Variants in DOCK3 observed in about 807,000 individuals in gnomAD.
DOCK3 encodes the protein dedicator of cytokinesis protein 3.
In DOCK3, 60 loss-of-function variants were observed where a neutral mutation model predicts 265.6. The observed-to-expected ratio is 0.23, with a 90% CI of 0.18 to 0.28. DOCK3 has a LOEUF of 0.28. Ranked by LOEUF, DOCK3 falls within the 10% of genes least tolerant of loss-of-function variation. DOCK3 has a pLI of 1.00. For synonymous variants in DOCK3, 881 were observed against 938.0 expected (o/e 0.94, Z 1.11); for missense variants, 1,981 against 2,594.3 (o/e 0.76, Z 5.14).
chr3:50,769,710 G>A (rs1038671276), intron 1 of DOCK3, among the ~76,000 whole-genome samples: 2 of 151,790 alleles, frequency 1.3e-5, no homozygotes, highest in Non-Finnish European at 2.9e-5. Flanking sequence ...TACTTGGGAG[G>A]CTGAGACAGG....
chr3:51,090,102 ATCT>A (rs2082581575), intron 8 of DOCK3, 125 bp from the exon 9 acceptor site: 2 of 1,099,696 alleles, frequency 1.8e-6, no homozygotes, highest in African/African-American at 3.2e-5. Flanking sequence ...CAGAGAAAAC[ATCT>A]TCAGTTTCTC....
chr3:50,861,231 A>G (rs903405298), intron 3 of DOCK3, among the ~76,000 whole-genome samples: 1 of 151,800 alleles, frequency 6.6e-6, no homozygotes, highest in Admixed American at 6.6e-5. Flanking sequence ...TGTTTCCTTG[A>G]TTAATCCCAA....
At chr3:50,968,224 T>C (rs936246926) in intron 5 of DOCK3, among the ~76,000 whole-genome samples, 3 of 152,178 alleles carry the variant, frequency 2.0e-5, no homozygotes, top group African/African-American at 7.2e-5. Context: ...TGGAGTGCAG[T>C]GGCACAGTAA....
At chr3:50,983,047 G>A (rs1454915809) in intron 5 of DOCK3, among the ~76,000 whole-genome samples, 3 of 152,178 alleles carry the variant, frequency 2.0e-5, no homozygotes, top group Non-Finnish European at 4.4e-5. Flanking sequence ...AGCAGGGTTC[G>A]GGCCAAGCCC....
rs2087196259 is a variant in DOCK3 at position 51,180,139 on chromosome 3, C to A, written c.1037+19437C>A. Among the ~76,000 whole-genome samples, 4 of 144,784 alleles carry A rather than the reference C, an allele frequency of 2.8e-5. No homozygotes were observed. The South Asian group carries it at 8.7e-4, about 31-fold the overall frequency. The allele number at this position is 144,784 out of a possible 152,430, so 95.0% of individuals were successfully genotyped here. On this transcript the variant is annotated intron_variant, in intron 12 of 52. Coordinates refer to ENST00000266037, the MANE Select transcript of DOCK3 (RefSeq NM_004947.5). ...AGGAGAATCGCTTGAACTCAGGAAGCAGAGGTTGCAGTGAGCCGAGATCAC... is the reference window on the plus strand; with the variant it reads ...AGGAGAATCGCTTGAACTCAGGAAGAAGAGGTTGCAGTGAGCCGAGATCAC...
chr3:51,131,705 C>G (rs1483751927), intron 9 of DOCK3, among the ~76,000 whole-genome samples: 2 of 152,166 alleles, frequency 1.3e-5, no homozygotes, highest in Non-Finnish European at 2.9e-5. Context: ...ATGAGTCAGA[C>G]TATTCTGATT....
chr3:51,304,064 C>T (rs2082509331), intron 27 of DOCK3, among the ~76,000 whole-genome samples: 1 of 151,964 alleles, frequency 6.6e-6, no homozygotes, highest in African/African-American at 2.4e-5. Flanking sequence ...GTCTCCGCAG[C>T]CCCTCAGTCC....
intron 37 of DOCK3, among the ~76,000 whole-genome samples, chr3:51,340,852 G>C (rs1198416771): frequency 6.6e-6 from 1 of 152,214 alleles, no homozygotes; most frequent in African/African-American, 2.4e-5. Flanking sequence ...CCAGTTCTGA[G>C]AAGGTTGGAA....
intron 1 of DOCK3, among the ~76,000 whole-genome samples, chr3:50,704,486 CATTATAT>C (rs2036256722): frequency 6.6e-6 from 1 of 152,000 alleles, no homozygotes; most frequent in Non-Finnish European, 1.5e-5. Context: ...GTTATAGTCT[CATTATAT>C]AAGTATAAAG....
At chr3:51,041,752 A>G (rs1365845120) in intron 5 of DOCK3, among the ~76,000 whole-genome samples, 2 of 152,204 alleles carry the variant, frequency 1.3e-5, no homozygotes, top group Non-Finnish European at 2.9e-5. Flanking sequence ...AACTAGCTGT[A>G]AACAGATAGG....
At chr3:51,044,614 CT>C (rs1035797995) in intron 5 of DOCK3, among the ~76,000 whole-genome samples, 56 of 149,784 alleles carry the variant, frequency 3.7e-4, no homozygotes, top group African/African-American at 1.3e-3. Context: ...ATCTTCTTAT[CT>C]TTTTTTAATA....
Position 50,942,398 on chromosome 3 carries a change from A to T in DOCK3, c.315+8321A>T, listed in dbSNP as rs200452791. ...AATAATGGTTTTAGACATTTTTAGC[A>T]TCAATTATGCTATTATGCTATTATG... On this transcript the variant is annotated intron_variant, in intron 5 of 52. Coordinates refer to ENST00000266037, the MANE Select transcript of DOCK3 (RefSeq NM_004947.5). Among the ~76,000 whole-genome samples the T allele has an allele frequency of 1.8e-4, 28 of 152,174 alleles. No individual in the cohort carries two copies. In the East Asian group the frequency reaches 4.4e-3, roughly 24 times the overall value.
At chr3:51,216,576 C>T (rs181130670) in intron 14 of DOCK3, among the ~76,000 whole-genome samples, 1 of 152,294 alleles carries the variant, frequency 6.6e-6, no homozygotes, top group Admixed American at 6.5e-5. Context: ...TAATCTGCCC[C>T]CTCTTCCACC....
At chr3:51,003,749 G>A (rs921536667) in intron 5 of DOCK3, among the ~76,000 whole-genome samples, 2 of 152,060 alleles carry the variant, frequency 1.3e-5, no homozygotes, top group Non-Finnish European at 2.9e-5. Flanking sequence ...ATTTTCACTT[G>A]GACATGTTCT....
rs376393502 is a variant in DOCK3 at position 51,288,448 on chromosome 3, G to GTGGAGGGT, written c.2922+8245_2922+8252dup. Among the ~76,000 whole-genome samples, 1,334 of 151,670 alleles carry GTGGAGGGT rather than the reference G, an allele frequency of 8.8e-3. 28 individuals carry two copies. The highest frequency in any genetic ancestry group is 0.029 in the African/African-American group (1,189 of 41,324). The stretch of plus-strand genomic sequence containing the variant: ...AACAGACATCAGGGCCTATCTAAGA[G>GTGGAGGGT]TGGAGGGTGGGAGGAGGGTGAGGAT... On this transcript the variant is annotated intron_variant, in intron 27 of 52. Coordinates refer to ENST00000266037, the MANE Select transcript of DOCK3 (RefSeq NM_004947.5).
chr3:50,798,247 A>G (rs993495386), intron 2 of DOCK3, among the ~76,000 whole-genome samples: 23 of 152,206 alleles, frequency 1.5e-4, no homozygotes, highest in African/African-American at 5.3e-4. Flanking sequence ...AAAGAGCAAA[A>G]TGTAGAGAAA....
chr3:50,818,244 C>A (rs1018697945), intron 2 of DOCK3, among the ~76,000 whole-genome samples: 3 of 152,180 alleles, frequency 2.0e-5, no homozygotes, highest in Admixed American at 6.5e-5. Flanking sequence ...TCAACTAGTT[C>A]TTTTGTTTTC....
At chr3:50,914,158 T>A (rs1340002947) in intron 4 of DOCK3, among the ~76,000 whole-genome samples, 1 of 152,000 alleles carries the variant, frequency 6.6e-6, no homozygotes, top group Non-Finnish European at 1.5e-5. Flanking sequence ...AGTTTTTATT[T>A]TGTGGCTCTT....
At chr3:50,885,815 G>A (rs1000603517) in intron 3 of DOCK3, among the ~76,000 whole-genome samples, 5 of 152,086 alleles carry the variant, frequency 3.3e-5, no homozygotes, top group African/African-American at 1.2e-4. Flanking sequence ...CTGCCTGATG[G>A]TGGTGAAAGT....
Sources: allele counts gnomAD v4.1 joint callset (sites outside exome capture counted in the v4.1 genomes callset), GRCh38; gene constraint gnomAD v4.1.1; transcripts MANE v1.5; gene names NCBI Gene and HGNC (gene_info 2026-07-23, HGNC 2026-07-21).